MAST4: variants seen among roughly 807,000 people sequenced by gnomAD.
MAST4 encodes the protein microtubule associated serine/threonine kinase family member 4, also known as microtubule-associated serine/threonine-protein kinase 4.
Under a neutral mutation model 162.7 loss-of-function variants are expected in MAST4, and 89 were observed. That is an observed-to-expected ratio of 0.55 (90% CI 0.46 to 0.65). MAST4 has a LOEUF of 0.65. Among genes scored for constraint, MAST4 ranks in the 30% least tolerant of loss-of-function variants. The pLI, the probability that MAST4 is intolerant of heterozygous loss-of-function variation, is 0.00. For synonymous variants in MAST4, 1,479 were observed against 1,361.1 expected (o/e 1.09, Z -1.91); for missense variants, 3,153 against 3,374.0 (o/e 0.93, Z 1.62).
intron 10 of MAST4, among the ~76,000 whole-genome samples, chr5:67,108,718 T>C (rs898716193): frequency 5.3e-5 from 8 of 152,168 alleles, no homozygotes; most frequent in Non-Finnish European, 1.2e-4. Context: ...TTTTGGAAAA[T>C]GGCTTTTAAT....
At chr5:67,084,158 T>G (rs1007903546) in intron 5 of MAST4, among the ~76,000 whole-genome samples, 1 of 152,226 alleles carries the variant, frequency 6.6e-6, no homozygotes, top group Non-Finnish European at 1.5e-5. Flanking sequence ...TCTTATTGGG[T>G]CTCTCTTCCA....
chr5:66,709,684 T>C (rs1750371184), intron 1 of MAST4, among the ~76,000 whole-genome samples: 1 of 152,200 alleles, frequency 6.6e-6, no homozygotes, highest in African/African-American at 2.4e-5. Flanking sequence ...TTATAATTAT[T>C]ATAAAACATA....
chr5:67,022,478 C>T (rs1754105069), intron 4 of MAST4, among the ~76,000 whole-genome samples: 1 of 151,578 alleles, frequency 6.6e-6, no homozygotes, highest in East Asian at 1.9e-4. Flanking sequence ...ATTGCATATA[C>T]TTTAGGACGA....
At chr5:66,827,199 A>G (rs1427697846) in intron 3 of MAST4, among the ~76,000 whole-genome samples, 1 of 152,238 alleles carries the variant, frequency 6.6e-6, no homozygotes, top group Non-Finnish European at 1.5e-5. Context: ...CATTTGTGCT[A>G]GAATTCGTTG....
At chr5:67,129,826 T>C (rs2150987664) in intron 14 of MAST4, among the ~76,000 whole-genome samples, 1 of 152,278 alleles carries the variant, frequency 6.6e-6, no homozygotes, top group African/African-American at 2.4e-5. Context: ...ATCTAGCTTG[T>C]TATATGTGTG....
chr5:67,165,877 G>A lies in MAST4; in HGVS notation c.6698G>A (p.Gly2233Asp). The A allele has an allele frequency of 2.5e-6, 4 of 1,613,372 alleles. No individual in the cohort carries two copies. Among genetic ancestry groups the A allele is most frequent in the Non-Finnish European group, 3.4e-6 (4 of 1,179,894 alleles). Residue 2233 changes from glycine to aspartate, a missense_variant, in exon 29 of 29, where the codon GGT becomes GAT. Around this residue, in one of 7 missense-constraint regions of MAST4, gnomAD observed 1,644 missense variants for 1,495.0 expected, o/e 1.10. Transcript: ENST00000403625. ...KGKEPATQSL[G>D]GSSREGKGHS... The stretch of plus-strand genomic sequence containing the variant: ...AAAGAGCCTGCCACTCAGTCCCTCG[G>A]TGGCTCTAGCAGAGAGGGGAAGGGC...
At chr5:66,954,991 A>T (rs1235569663) in intron 4 of MAST4, among the ~76,000 whole-genome samples, 5 of 151,492 alleles carry the variant, frequency 3.3e-5, no homozygotes, top group African/African-American at 1.2e-4. Context: ...ACTTGAGTCC[A>T]GGAGTTTGAG....
At chr5:66,671,188 G>A (rs1747589916) in intron 1 of MAST4, among the ~76,000 whole-genome samples, 1 of 152,304 alleles carries the variant, frequency 6.6e-6, no homozygotes, top group Admixed American at 6.5e-5. Flanking sequence ...CCAACTGATA[G>A]TATCTTAACC....
At chr5:66,668,997 C>G (rs1015015897) in intron 1 of MAST4, among the ~76,000 whole-genome samples, 2 of 152,170 alleles carry the variant, frequency 1.3e-5, no homozygotes, top group African/African-American at 2.4e-5. Flanking sequence ...AGGAAGTATC[C>G]AGAGCTCTAA....
intron 4 of MAST4, among the ~76,000 whole-genome samples, chr5:67,009,471 G>C (rs1454466690): frequency 1.3e-5 from 2 of 152,134 alleles, no homozygotes; most frequent in African/African-American, 2.4e-5. Context: ...ATTTACCTGG[G>C]TTAACATCTT....
intron 5 of MAST4, among the ~76,000 whole-genome samples, chr5:67,075,854 TTATAA>T (rs1761579582): frequency 6.6e-6 from 1 of 152,236 alleles, no homozygotes; most frequent in Admixed American, 6.5e-5. Flanking sequence ...ATTTTTGAAA[TTATAA>T]TTTAATTAAT....
At position 66,837,023 on chromosome 5, in the gene MAST4, C is replaced by CGTGTGTGTGTGT. The variant is rs544483226; in HGVS notation, c.642+48229_642+48230insGTGTGTGTGTGT. Among the ~76,000 whole-genome samples the CGTGTGTGTGTGT allele has an allele frequency of 7.2e-3, 1,037 of 144,736 alleles. 22 individuals carry two copies. Among genetic ancestry groups the CGTGTGTGTGTGT allele is most frequent in the African/African-American group, 0.022 (845 of 38,160 alleles). The allele number at this position is 144,736 out of a possible 152,430, so 95.0% of individuals were successfully genotyped here. On this transcript the variant is annotated intron_variant, in intron 3 of 28. Transcript: ENST00000403625. Reference sequence around the variant, plus strand: ...GTCTGGGTAAAAGACCATGCAGGATCATGTGTGTGTGTGTGTGTGTGTGTG... The same window carrying CGTGTGTGTGTGT: ...GTCTGGGTAAAAGACCATGCAGGATCGTGTGTGTGTGTATGTGTGTGTGTGTGTGTGTGTGTG...
chr5:67,129,458 G>T (rs947389772), intron 14 of MAST4, among the ~76,000 whole-genome samples: 7 of 151,936 alleles, frequency 4.6e-5, no homozygotes, highest in African/African-American at 1.7e-4. Flanking sequence ...GGTGGCTCAC[G>T]CCTGTAATCC....
chr5:66,611,096 AT>A (rs964104982), intron 1 of MAST4, among the ~76,000 whole-genome samples: 2 of 151,948 alleles, frequency 1.3e-5, no homozygotes, highest in East Asian at 1.9e-4. Context: ...TGTCCATAAC[AT>A]TTTTTTTCTT....
intron 4 of MAST4, among the ~76,000 whole-genome samples, chr5:67,026,345 A>G (rs2150410162): frequency 6.6e-6 from 1 of 152,296 alleles, no homozygotes; most frequent in East Asian, 1.9e-4. Flanking sequence ...AGCATCTCAC[A>G]ACAGTTTCTA....
At chr5:67,047,390 C>T (rs1004466636) in intron 4 of MAST4, among the ~76,000 whole-genome samples, 1 of 152,162 alleles carries the variant, frequency 6.6e-6, no homozygotes, top group African/African-American at 2.4e-5. Context: ...GCCTGCTGCT[C>T]CTAGAACACT....
intron 4 of MAST4, among the ~76,000 whole-genome samples, chr5:67,052,847 A>G (rs981362927): frequency 1.3e-5 from 2 of 152,164 alleles, no homozygotes; most frequent in African/African-American, 4.8e-5. Flanking sequence ...AATTTCTTCT[A>G]TTAACATCAG....
At chr5:66,907,577 T>C (rs533234614) in intron 4 of MAST4, among the ~76,000 whole-genome samples, 3 of 144,656 alleles carry the variant, frequency 2.1e-5, no homozygotes, top group Non-Finnish European at 4.5e-5. Context: ...GAAATGGGCA[T>C]AGGTTGATGC....
intron 3 of MAST4, among the ~76,000 whole-genome samples, chr5:66,874,569 C>T (rs1217189717): frequency 6.6e-6 from 1 of 152,144 alleles, no homozygotes; most frequent in Non-Finnish European, 1.5e-5. Flanking sequence ...AATTTCAAAA[C>T]CCGAAAGTGT....
Sources: allele counts gnomAD v4.1 joint callset (sites outside exome capture counted in the v4.1 genomes callset), GRCh38; gene constraint gnomAD v4.1.1; regional missense constraint gnomAD v4.1.1; transcripts MANE v1.5; gene names NCBI Gene and HGNC (gene_info 2026-07-23, HGNC 2026-07-21).